Variants in PKN2 observed in about 807,000 individuals in gnomAD.
PKN2 encodes serine/threonine-protein kinase N2.
In PKN2, 38 loss-of-function variants were observed where a neutral mutation model predicts 119.1. The observed-to-expected ratio is 0.32, with a 90% CI of 0.25 to 0.42. The LOEUF (loss-of-function observed/expected upper bound fraction) is 0.42. Ranked by LOEUF, PKN2 falls within the 10% of genes least tolerant of loss-of-function variation. The probability of loss-of-function intolerance (pLI) is 1.00; values close to 1 mark genes in which losing one functional copy is unlikely to be tolerated. For missense variants in PKN2, 850 were observed against 1,165.1 expected, an observed-to-expected ratio of 0.73 and a Z score of 3.94; for synonymous variants, 390 against 384.9, an observed-to-expected ratio of 1.01 and a Z score of -0.15.
intron 8 of PKN2, among the ~76,000 whole-genome samples, chr1:88,789,700 CAAAAT>C (rs1670735830): frequency 6.9e-6 from 1 of 144,800 alleles, no homozygotes; most frequent in Non-Finnish European, 1.5e-5. Context: ...ATAACAACAA[CAAAAT>C]AAGATTATAA....
Position 88,833,437 on chromosome 1 carries a change from G to A in PKN2, c.2944G>A (p.Asp982Asn), listed in dbSNP as rs1349340841. The A allele has an allele frequency of 1.9e-6, 3 of 1,612,914 alleles. No individual in the cohort carries two copies. Among genetic ancestry groups the A allele is most frequent in the Non-Finnish European group, 2.5e-6 (3 of 1,179,114 alleles). ...GTTCAGAGATTTTGACTACATTGCT[G>A]ATTGGTGTTAAGTTGCTAGACACTG... ...EMFRDFDYIA[D>N]WC Residue 982 changes from aspartate (D) to asparagine (N), a missense_variant, in exon 22 of 22, where the codon GAT (aspartate) becomes AAT (asparagine). Coordinates refer to ENST00000370521, the MANE Select transcript of PKN2 (RefSeq NM_006256.4).
At chr1:88,729,875 C>G (rs1668065485) in intron 1 of PKN2, among the ~76,000 whole-genome samples, 1 of 151,852 alleles carries the variant, frequency 6.6e-6, no homozygotes, top group Admixed American at 6.6e-5. Context: ...TTGCTGAAAC[C>G]CTGCCCTGAG....
intron 1 of PKN2, among the ~76,000 whole-genome samples, chr1:88,725,853 A>G (rs547135306): frequency 2.0e-5 from 3 of 152,308 alleles, no homozygotes; most frequent in Non-Finnish European, 4.4e-5. Context: ...ATAAAGGGGA[A>G]AACACAGATT....
rs1351882841 is a variant in PKN2 at position 88,835,674 on chromosome 1, T to A, written c.*2226T>A. 2 of 152,464 alleles carry A rather than the reference T, an allele frequency of 1.3e-5. No homozygotes were observed. Among genetic ancestry groups the A allele is most frequent in the African/African-American group, 2.4e-5 (1 of 41,414 alleles). 9.4% of individuals were successfully genotyped at this position (152,464 alleles called of 1,614,324 possible). On this transcript the variant is annotated 3_prime_UTR_variant, in exon 22 of 22. Transcript: ENST00000370521. ...GCACTTTGTAAAGAAATTAGGATATTTTAGAATGGTACACTATGCATTCAA... is the reference window on the plus strand; with the variant it reads ...GCACTTTGTAAAGAAATTAGGATATATTAGAATGGTACACTATGCATTCAA...
intron 8 of PKN2, among the ~76,000 whole-genome samples, chr1:88,797,619 C>T (rs1003584986): frequency 2.7e-5 from 4 of 146,180 alleles, no homozygotes; most frequent in African/African-American, 5.1e-5. Flanking sequence ...TCCAGCCTGG[C>T]GACAGAGACT....
intron 8 of PKN2, among the ~76,000 whole-genome samples, chr1:88,791,426 T>C (rs1333027311): frequency 1.4e-5 from 2 of 141,868 alleles, no homozygotes; most frequent in Non-Finnish European, 3.0e-5. Flanking sequence ...TGAAACTCTG[T>C]CTCAAAAAAA....
At chr1:88,763,956 T>G (rs1198604945) in intron 3 of PKN2, among the ~76,000 whole-genome samples, 13 of 152,248 alleles carry the variant, frequency 8.5e-5, no homozygotes, top group Admixed American at 6.5e-4. Flanking sequence ...AACAGAACTC[T>G]GCTTATTGGA....
intron 1 of PKN2, among the ~76,000 whole-genome samples, chr1:88,722,418 A>G (rs1044817824): frequency 7.9e-5 from 12 of 152,134 alleles, no homozygotes; most frequent in African/African-American, 2.9e-4. Context: ...TTTTGCCTAA[A>G]ACGTTTTCTA....
intron 8 of PKN2, among the ~76,000 whole-genome samples, chr1:88,794,738 C>T (rs953651967): frequency 3.3e-5 from 5 of 151,886 alleles, no homozygotes; most frequent in Non-Finnish European, 4.4e-5. Flanking sequence ...CAAATATTTC[C>T]ATTTCCTTGA....
At chr1:88,729,579 C>G (rs978080263) in intron 1 of PKN2, among the ~76,000 whole-genome samples, 1 of 152,166 alleles carries the variant, frequency 6.6e-6, no homozygotes, top group Non-Finnish European at 1.5e-5. Context: ...CTCTTTCAAG[C>G]AGGATAGTTT....
At chr1:88,798,496 CAA>C (rs1374743656) in intron 8 of PKN2, among the ~76,000 whole-genome samples, 5 of 151,704 alleles carry the variant, frequency 3.3e-5, no homozygotes, top group African/African-American at 1.2e-4. Flanking sequence ...GTGCTGATGA[CAA>C]AGAGAACCAA....
chr1:88,787,911 T>C (rs1670648723), intron 8 of PKN2, among the ~76,000 whole-genome samples: 1 of 152,234 alleles, frequency 6.6e-6, no homozygotes, highest in South Asian at 2.1e-4. Flanking sequence ...TTACATAGTA[T>C]ATTTTACATT....
chr1:88,779,154 G>T (rs1326231774), intron 6 of PKN2, among the ~76,000 whole-genome samples: 1 of 152,186 alleles, frequency 6.6e-6, no homozygotes, highest in African/African-American at 2.4e-5. Context: ...CTTACAGCAG[G>T]CTGCCATCTT....
chr1:88,758,060 AAAAG>A (rs1669281240), intron 2 of PKN2, among the ~76,000 whole-genome samples: 1 of 151,098 alleles, frequency 6.6e-6, no homozygotes, highest in African/African-American at 2.4e-5. Context: ...AAAAAAAAAA[AAAAG>A]AAGTGTTTCA....
At chr1:88,715,045 C>A (rs1230712360) in intron 1 of PKN2, among the ~76,000 whole-genome samples, 1 of 152,040 alleles carries the variant, frequency 6.6e-6, no homozygotes, top group Non-Finnish European at 1.5e-5. Flanking sequence ...TGGCTTTTGT[C>A]TTTGGTTCTG....
At chr1:88,807,281 C>T in intron 12 of PKN2, 32 bp from the exon 13 acceptor site, 2 of 1,362,372 alleles carry the variant, frequency 1.5e-6, no homozygotes, top group South Asian at 1.5e-5. Flanking sequence ...CTGGGTATTT[C>T]TATGGATTCA....
intron 6 of PKN2, among the ~76,000 whole-genome samples, chr1:88,778,906 G>T (rs6678346): frequency 0.057 from 8,652 of 152,060 alleles, 477 homozygotes; most frequent in African/African-American, 0.14. Flanking sequence ...GTAGAGACGG[G>T]GGTGGGGGCG....
In PKN2 at chr1:88,685,395, G is replaced by A. The variant is rs530644600; in HGVS notation, c.48+767G>A. On this transcript the variant is annotated intron_variant, in intron 1 of 21. Transcript: ENST00000370521. The stretch of plus-strand genomic sequence containing the variant: ...GCACCAGAGAAAGAGCTAATAAGTT[G>A]TTTACTAATGAGAAAGCAGTCGACT... Among the ~76,000 whole-genome samples, 21 of 152,104 alleles carry A rather than the reference G, an allele frequency of 1.4e-4. No homozygotes were observed. The East Asian group carries it at 3.9e-3, about 28-fold the overall frequency.
intron 2 of PKN2, among the ~76,000 whole-genome samples, chr1:88,749,084 T>C (rs2100759816): frequency 6.6e-6 from 1 of 152,318 alleles, no homozygotes; most frequent in Non-Finnish European, 1.5e-5. Context: ...TATGTAGTAG[T>C]TAATATACAT....
Sources: gnomAD v4.1 joint callset for allele counts (sites outside exome capture counted in the v4.1 genomes callset) on GRCh38, gnomAD v4.1.1 for gene constraint, MANE v1.5 for transcripts, NCBI Gene and HGNC (gene_info 2026-07-23, HGNC 2026-07-21) for gene names.